Variants in ZNF385D observed in about 807,000 individuals in gnomAD.
ZNF385D encodes the protein zinc finger protein 385D.
A neutral mutation model predicts 35.8 loss-of-function variants in ZNF385D; 15 were observed. That is an observed-to-expected ratio of 0.42 (90% CI 0.28 to 0.64). The LOEUF is 0.64. Among genes scored for constraint, ZNF385D ranks in the 30% least tolerant of loss-of-function variants. The probability of loss-of-function intolerance (pLI) is 0.23; values close to 1 mark genes in which losing one functional copy is unlikely to be tolerated. For missense variants in ZNF385D, 474 were observed against 494.6 expected, an observed-to-expected ratio of 0.96 and a Z score of 0.39; for synonymous variants, 212 against 186.8, an observed-to-expected ratio of 1.13 and a Z score of -1.10.
At chr3:21,989,520 G>A (rs574013683) in intron 3 of ZNF385D, among the ~76,000 whole-genome samples, 1 of 152,098 alleles carries the variant, frequency 6.6e-6, no homozygotes, top group Non-Finnish European at 1.5e-5. Context: ...CTCTCAAAAG[G>A]TATGTCAGTT....
At chr3:21,905,553 G>C (rs1217067000) in intron 3 of ZNF385D, among the ~76,000 whole-genome samples, 1 of 151,924 alleles carries the variant, frequency 6.6e-6, no homozygotes, top group African/African-American at 2.4e-5. Flanking sequence ...GATAAAAAAT[G>C]AAAGGAAGGA....
intron 4 of ZNF385D, among the ~76,000 whole-genome samples, chr3:21,437,701 CAAAAAAA>C (rs751739275): frequency 2.6e-5 from 2 of 77,196 alleles, no homozygotes; most frequent in Admixed American, 1.9e-4. Flanking sequence ...AATGCTTATA[CAAAAAAA>C]AAAAAAAAAA....
Position 21,616,643 on chromosome 3 carries a change from C to T in ZNF385D, c.165+48243G>A, listed in dbSNP as rs189629874. 7.9e-3 allele frequency among the ~76,000 whole-genome samples: 1,209 copies of T among 152,186 alleles called. 14 individuals are homozygous for T. The highest frequency in any genetic ancestry group is 9.4e-3 in the Non-Finnish European group (639 of 67,996). ...ATAATTAAAAAAAAGATTCATGTTC[C>T]CATGCTTATTTCATATTGCTTATTA... On this transcript the variant is annotated intron_variant, in intron 2 of 7. Coordinates refer to ENST00000281523, the MANE Select transcript of ZNF385D (RefSeq NM_024697.3).
intron 2 of ZNF385D, among the ~76,000 whole-genome samples, chr3:22,309,325 T>C (rs1010904005): frequency 2.6e-5 from 4 of 152,084 alleles, no homozygotes; most frequent in African/African-American, 9.7e-5. Flanking sequence ...AAACTTTAAT[T>C]ATTCATGTGG....
chr3:22,320,630 G>A (rs1240727405), intron 2 of ZNF385D, among the ~76,000 whole-genome samples: 2 of 149,192 alleles, frequency 1.3e-5, no homozygotes, highest in Admixed American at 6.8e-5. Context: ...TTGGCAACTA[G>A]ATATACATTA....
At chr3:21,445,100 A>G (rs1182054352) in intron 4 of ZNF385D, among the ~76,000 whole-genome samples, 1 of 152,244 alleles carries the variant, frequency 6.6e-6, no homozygotes, top group Non-Finnish European at 1.5e-5. Context: ...GGCCAGCCAA[A>G]GCTGAGACCT....
intron 3 of ZNF385D, among the ~76,000 whole-genome samples, chr3:22,035,431 C>T (rs563410245): frequency 2.6e-5 from 4 of 152,206 alleles, no homozygotes; most frequent in African/African-American, 9.6e-5. Flanking sequence ...AACAGAAATC[C>T]AATACTTATC....
At chr3:21,831,701 C>T (rs965130135) in intron 3 of ZNF385D, among the ~76,000 whole-genome samples, 1 of 152,166 alleles carries the variant, frequency 6.6e-6, no homozygotes, top group African/African-American at 2.4e-5. Flanking sequence ...AGTTAGATCG[C>T]TTTGCCTTCT....
intron 4 of ZNF385D, among the ~76,000 whole-genome samples, chr3:21,472,135 T>C (rs979168857): frequency 3.3e-5 from 5 of 152,142 alleles, no homozygotes; most frequent in African/African-American, 4.8e-5. Flanking sequence ...ATTTCTTACA[T>C]TTATCATGAA....
intron 3 of ZNF385D, among the ~76,000 whole-genome samples, chr3:22,042,831 T>A (rs1278694261): frequency 6.6e-6 from 1 of 152,220 alleles, no homozygotes; most frequent in Non-Finnish European, 1.5e-5. Flanking sequence ...GATCTCGACG[T>A]GTTTGGTTGT....
chr3:22,007,670 T>G (rs111917374), intron 3 of ZNF385D, among the ~76,000 whole-genome samples: 38 of 152,336 alleles, frequency 2.5e-4, no homozygotes, highest in Middle Eastern at 6.8e-3. Flanking sequence ...TTTCAATCCT[T>G]GCTAATCTGA....
At chr3:21,947,233 C>T (rs627776) in intron 3 of ZNF385D, among the ~76,000 whole-genome samples, 39,374 of 151,910 alleles carry the variant, frequency 0.26, 5,803 homozygotes, top group Admixed American at 0.41. Flanking sequence ...AGCGAATTTA[C>T]GATTTAAATA....
At chr3:21,828,237 G>A (rs1052782458) in intron 3 of ZNF385D, among the ~76,000 whole-genome samples, 8 of 152,282 alleles carry the variant, frequency 5.3e-5, no homozygotes, top group African/African-American at 1.9e-4. Flanking sequence ...TATCCGTGTT[G>A]AGAAGTTCGT....
chr3:21,696,488 T>G (rs2067475296), intron 1 of ZNF385D, among the ~76,000 whole-genome samples: 1 of 152,224 alleles, frequency 6.6e-6, no homozygotes, highest in African/African-American at 2.4e-5. Flanking sequence ...TACAGTCATG[T>G]AGAAGCTGGC....
chr3:22,036,873 C>A (rs1412332983), intron 3 of ZNF385D, among the ~76,000 whole-genome samples: 9 of 123,398 alleles, frequency 7.3e-5, no homozygotes, highest in African/African-American at 2.7e-4. Context: ...TCCCCCCACC[C>A]CACAACAGGC....
chr3:22,010,369 G>A (rs537818020), intron 3 of ZNF385D, among the ~76,000 whole-genome samples: 2 of 152,246 alleles, frequency 1.3e-5, no homozygotes, highest in East Asian at 1.9e-4. Context: ...TTCATTAACA[G>A]AATCATTTCT....
At chr3:21,917,184 C>G (rs978652308) in intron 3 of ZNF385D, among the ~76,000 whole-genome samples, 1 of 152,138 alleles carries the variant, frequency 6.6e-6, no homozygotes, top group African/African-American at 2.4e-5. Context: ...GTAATCCCAC[C>G]ACTTTGGGAG....
upstream of ZNF385D, among the ~76,000 whole-genome samples, chr3:21,752,443 C>T (rs1193878921): frequency 1.3e-5 from 2 of 151,888 alleles, no homozygotes; most frequent in African/African-American, 4.8e-5. Context: ...TATTCTATAG[C>T]ATTTCCTTAC....
At chr3:21,867,823 A>C (rs1204660816) in intron 3 of ZNF385D, among the ~76,000 whole-genome samples, 1 of 152,056 alleles carries the variant, frequency 6.6e-6, no homozygotes, top group African/African-American at 2.4e-5. Context: ...GCATTCTAAG[A>C]TGATAGAAAT....
Sources: gnomAD v4.1 joint callset for allele counts (sites outside exome capture counted in the v4.1 genomes callset) on GRCh38, gnomAD v4.1.1 for gene constraint, MANE v1.5 for transcripts, NCBI Gene and HGNC (gene_info 2026-07-23, HGNC 2026-07-21) for gene names.